Variants in CACNG4 observed in about 807,000 individuals in gnomAD.
The protein encoded by CACNG4 is calcium voltage-gated channel auxiliary subunit gamma 4, also known as voltage-dependent calcium channel gamma-4 subunit.
A neutral mutation model predicts 22.9 loss-of-function variants in CACNG4; 8 were observed. The observed-to-expected ratio is 0.35, with a 90% confidence interval of 0.21 to 0.63. CACNG4 has a LOEUF of 0.63. Among genes scored for constraint, CACNG4 ranks in the 30% least tolerant of loss-of-function variants. The probability of loss-of-function intolerance (pLI) is 0.72; values close to 1 mark genes in which losing one functional copy is unlikely to be tolerated. For synonymous variants in CACNG4, 188 were observed against 191.9 expected, an observed-to-expected ratio of 0.98 and a Z score of 0.17; for missense variants, 357 against 455.4, an observed-to-expected ratio of 0.78 and a Z score of 1.97.
chr17:66,991,408 C>G (rs1026941454), intron 1 of CACNG4, among the ~76,000 whole-genome samples: 4 of 152,196 alleles, frequency 2.6e-5, no homozygotes, highest in African/African-American at 9.7e-5. Context: ...TTCCCAGAAG[C>G]CAGATCCCAT....
At chr17:67,026,575 T>C (rs111210773) in intron 3 of CACNG4, among the ~76,000 whole-genome samples, 3 of 148,102 alleles carry the variant, frequency 2.0e-5, no homozygotes, top group African/African-American at 7.5e-5. Flanking sequence ...GTGAGGACTA[T>C]GGTGTGTGTG....
intron 1 of CACNG4, among the ~76,000 whole-genome samples, chr17:66,998,063 G>A (rs940528404): frequency 6.6e-6 from 1 of 152,172 alleles, no homozygotes; most frequent in Non-Finnish European, 1.5e-5. Flanking sequence ...AAGGATGTTG[G>A]ACTGTTTGCC....
chr17:66,980,458 G>A (rs4790896), intron 1 of CACNG4, among the ~76,000 whole-genome samples: 99,608 of 151,916 alleles, frequency 0.66, 33,895 homozygotes, highest in African/African-American at 0.85. Flanking sequence ...ACTCCGATGA[G>A]GTTTGAGCAG....
intron 3 of CACNG4, among the ~76,000 whole-genome samples, chr17:67,029,539 C>T (rs936861487): frequency 6.6e-6 from 1 of 151,984 alleles, no homozygotes; most frequent in African/African-American, 2.4e-5. Flanking sequence ...GAGGCTGAGG[C>T]GGGAGAATTG....
rs112269376 is a variant in CACNG4, at chr17:67,016,652, A to G, written c.221-1537A>G. ...GGAAAGGAATTGGCCCCAGGTGGAA[A>G]CTGCTCCTTTGGTGTCAAGATGAGC... On this transcript the variant is annotated intron_variant, in intron 1 of 3. Transcript: ENST00000262138. Among the ~76,000 whole-genome samples the G allele has an allele frequency of 1.9e-3, 290 of 152,224 alleles. 1 individual carries two copies. The highest frequency in any genetic ancestry group is 6.6e-3 in the African/African-American group (275 of 41,542).
At position 66,965,087 on chromosome 17, in the gene CACNG4, G is replaced by A; in HGVS notation, c.176G>A (p.Gly59Asp). Residue 59 changes from glycine (G) to aspartate (D), a missense_variant, in exon 1 of 4, where the codon GGC becomes GAC. This residue lies in a region of CACNG4 where 114 missense variants were observed against 161.6 expected (regional missense o/e 0.71). Transcript: ENST00000262138. Reference sequence around the variant, plus strand: ...GGGCCCCCGCCCCGCCGCGCCCGCGGCGACCTCACCCACTCTGGTCTGTGG... The same window carrying A: ...GGGCCCCCGCCCCGCCGCGCCCGCGACGACCTCACCCACTCTGGTCTGTGG... ...DDGPPPRRAR[G>D]DLTHSGLWRV... 3 of 1,602,726 alleles carry A rather than the reference G, an allele frequency of 1.9e-6. No homozygotes were observed. Among genetic ancestry groups the A allele is most frequent in the East Asian group, 4.6e-5 (2 of 43,820 alleles).
At chr17:66,996,775 C>T (rs140365132) in intron 1 of CACNG4, among the ~76,000 whole-genome samples, 2 of 152,242 alleles carry the variant, frequency 1.3e-5, no homozygotes, top group Non-Finnish European at 2.9e-5. Context: ...CCCTGGCTCA[C>T]GGGGAGACAC....
intron 1 of CACNG4, among the ~76,000 whole-genome samples, chr17:66,973,223 G>A (rs1287710177): frequency 7.0e-6 from 1 of 143,114 alleles, no homozygotes; most frequent in Non-Finnish European, 1.5e-5. Flanking sequence ...CTGGGCAATA[G>A]AGCAAGACTC....
At chr17:67,011,455 G>A (rs755643424) in intron 1 of CACNG4, among the ~76,000 whole-genome samples, 26 of 152,068 alleles carry the variant, frequency 1.7e-4, no homozygotes, top group Non-Finnish European at 3.2e-4. Flanking sequence ...CACTCATGGC[G>A]CCACCTAAAA....
chr17:67,023,632 C>T lies in CACNG4; in HGVS notation c.305-1228C>T, dbSNP rs564786400. On this transcript the variant is annotated intron_variant, in intron 2 of 3. Coordinates refer to ENST00000262138, the MANE Select transcript of CACNG4 (RefSeq NM_014405.4). ...TGTCGCCCAGGCTGGAGTGCAATGG[C>T]GCAATCTCAGCTCACTGCAACCTCC... 7.4e-4 allele frequency among the ~76,000 whole-genome samples: 109 copies of T among 147,398 alleles called. 1 individual carries two copies. The highest frequency in any genetic ancestry group is 1.0e-3 in the Non-Finnish European group (70 of 67,348).
intron 1 of CACNG4, among the ~76,000 whole-genome samples, chr17:66,994,999 C>T (rs566954542): frequency 2.0e-4 from 31 of 152,122 alleles, no homozygotes; most frequent in Non-Finnish European, 4.0e-4. Context: ...AAGAAAGATC[C>T]ATCTCAGATC....
intron 1 of CACNG4, among the ~76,000 whole-genome samples, chr17:66,983,622 G>T (rs548646522): frequency 5.3e-4 from 81 of 152,318 alleles, no homozygotes; most frequent in African/African-American, 1.9e-3. Flanking sequence ...AAAGAGAAAG[G>T]ATTCTGCTGT....
intron 1 of CACNG4, among the ~76,000 whole-genome samples, chr17:66,971,378 C>A (rs1287799522): frequency 6.6e-6 from 1 of 151,826 alleles, no homozygotes; most frequent in Non-Finnish European, 1.5e-5. Flanking sequence ...ACACGGGCTA[C>A]AAGTCACCCG....
intron 1 of CACNG4, among the ~76,000 whole-genome samples, chr17:67,001,445 G>A (rs2035407514): frequency 6.6e-6 from 1 of 151,836 alleles, no homozygotes; most frequent in South Asian, 2.1e-4. Context: ...TGACCCCTCT[G>A]GGCCTCTGTC....
At position 67,031,206 on chromosome 17, in the gene CACNG4, C is replaced by A; in HGVS notation, c.*202C>A. On this transcript the variant is annotated 3_prime_UTR_variant, in exon 4 of 4. Transcript: ENST00000262138. This position sits in a 1 kb window ranked among gnomAD's most constrained non-coding sequence, Gnocchi z 4.0. ...CCGGGGCTGCAGAAGAAGCTGAAGG[C>A]TGACTTTGTCCCCTCCCCGAAAAAG... 1.5e-6 allele frequency: 1 copy of A among 647,296 alleles called. No homozygotes were observed. Among genetic ancestry groups the A allele is most frequent in the Non-Finnish European group, 2.7e-6 (1 of 366,640 alleles). The allele number at this position is 647,296 out of a possible 1,614,324, so 40.1% of individuals were successfully genotyped here.
chr17:67,024,609 G>A (rs957140202), intron 2 of CACNG4, among the ~76,000 whole-genome samples: 1 of 152,224 alleles, frequency 6.6e-6, no homozygotes, highest in South Asian at 2.1e-4. Context: ...CCCAGGGAGA[G>A]ACTAAACAAG....
chr17:67,004,745 C>G lies in CACNG4; in HGVS notation c.221-13444C>G, dbSNP rs538745463. On this transcript the variant is annotated intron_variant, in intron 1 of 3. Coordinates refer to ENST00000262138, the MANE Select transcript of CACNG4 (RefSeq NM_014405.4). Reference sequence around the variant, plus strand: ...CAAAGAGGACTTTCTTTTTTTAAGACAGGGTCTCAGTCCTGTCACCTAGGC... The same window carrying G: ...CAAAGAGGACTTTCTTTTTTTAAGAGAGGGTCTCAGTCCTGTCACCTAGGC... Among the ~76,000 whole-genome samples, 3 of 152,176 alleles carry G rather than the reference C, an allele frequency of 2.0e-5. No individual in the cohort carries two copies. In the East Asian group the frequency reaches 5.8e-4, roughly 29 times the overall value.
chr17:67,001,367 CCT>C (rs1235175502), intron 1 of CACNG4, among the ~76,000 whole-genome samples: 1 of 152,160 alleles, frequency 6.6e-6, no homozygotes, highest in Non-Finnish European at 1.5e-5. Flanking sequence ...CCCTGCCACC[CCT>C]GTCCCCTCCC....
At chr17:66,995,690 A>C (rs2035369722) in intron 1 of CACNG4, among the ~76,000 whole-genome samples, 1 of 152,088 alleles carries the variant, frequency 6.6e-6, no homozygotes, top group Non-Finnish European at 1.5e-5. Flanking sequence ...TCTCTACTAA[A>C]AATACAAAAA....
Sources: allele counts gnomAD v4.1 joint callset (sites outside exome capture counted in the v4.1 genomes callset), GRCh38; gene constraint gnomAD v4.1.1; regional missense constraint gnomAD v4.1.1; non-coding constraint Gnocchi (gnomAD v3.1); transcripts MANE v1.5; gene names NCBI Gene and HGNC (gene_info 2026-07-23, HGNC 2026-07-21).